PDZD2: variants seen among roughly 807,000 people sequenced by gnomAD.
PDZD2 encodes the protein PDZ domain containing 2, also known as PDZ domain-containing protein 2.
In PDZD2, 90 loss-of-function variants were observed where a neutral mutation model predicts 220.7. The ratio of observed to expected loss-of-function variants is 0.41; its 90% CI spans 0.34 to 0.49. The LOEUF (loss-of-function observed/expected upper bound fraction) is 0.49. Among genes scored for constraint, PDZD2 ranks in the 20% least tolerant of loss-of-function variants. The pLI, the probability that PDZD2 is intolerant of heterozygous loss-of-function variation, is 0.28. For synonymous variants in PDZD2, 1,375 were observed against 1,450.5 expected (o/e 0.95, Z 1.18); for missense variants, 3,174 against 3,608.5 (o/e 0.88, Z 3.08).
At chr5:32,021,001 C>CCG (rs146446947) in intron 6 of PDZD2, among the ~76,000 whole-genome samples, 6,526 of 150,396 alleles carry the variant, frequency 0.043, 454 homozygotes, top group African/African-American at 0.15. Context: ...CATTGGGTGC[C>CCG]GGGGGGAAAA....
chr5:31,874,622 G>T (rs6891144), intron 2 of PDZD2, among the ~76,000 whole-genome samples: 49,126 of 151,798 alleles, frequency 0.32, 9,244 homozygotes, highest in South Asian at 0.53. Context: ...TTAGTCGGGT[G>T]TGGTGGCACA....
At chr5:31,868,595 C>G (rs13347335) in intron 2 of PDZD2, among the ~76,000 whole-genome samples, 1 of 151,936 alleles carries the variant, frequency 6.6e-6, no homozygotes, top group Non-Finnish European at 1.5e-5. Flanking sequence ...AGGGACTGCG[C>G]GTAGTGTTCA....
intron 18 of PDZD2, among the ~76,000 whole-genome samples, chr5:32,076,625 G>A (rs913229650): frequency 6.6e-6 from 1 of 152,132 alleles, no homozygotes; most frequent in Admixed American, 6.6e-5. Context: ...GATTTAAATT[G>A]AAGTGAAATT....
At chr5:31,994,261 C>T (rs1429237336) in intron 3 of PDZD2, among the ~76,000 whole-genome samples, 2 of 151,932 alleles carry the variant, frequency 1.3e-5, no homozygotes, top group Non-Finnish European at 2.9e-5. Context: ...CCCACCTTGG[C>T]CTCCTCAAAG....
intron 2 of PDZD2, among the ~76,000 whole-genome samples, chr5:31,966,418 G>A (rs377465441): frequency 6.6e-6 from 1 of 152,154 alleles, no homozygotes; most frequent in African/African-American, 2.4e-5. Flanking sequence ...ACAATTTAGG[G>A]TTTCCTTAAT....
intron 7 of PDZD2, among the ~76,000 whole-genome samples, chr5:32,042,700 T>C (rs1756301895): frequency 6.6e-6 from 1 of 152,182 alleles, no homozygotes; most frequent in Admixed American, 6.5e-5. Context: ...GGAGTGGTGA[T>C]GACCAGAGGC....
intron 2 of PDZD2, among the ~76,000 whole-genome samples, chr5:31,827,703 ATAAAT>A (rs1554080251): frequency 3.9e-5 from 5 of 129,398 alleles, no homozygotes; most frequent in Non-Finnish European, 4.8e-5. Flanking sequence ...AAAAAAATAA[ATAAAT>A]AAAAAAATAA....
rs373068180 is a variant in PDZD2, at chr5:32,052,738, C to T, written c.1785+8C>T. 19 of 1,613,384 alleles carry T rather than the reference C, an allele frequency of 1.2e-5. No homozygotes were observed. The African/African-American group carries it at 2.1e-4, about 18-fold the overall frequency. Reference sequence around the variant, plus strand: ...TACAAAGAAAAAGGCAAGGTGAGCTCTTTTCTGCAGACTGTTCTGCCTTCT... The same window carrying T: ...TACAAAGAAAAAGGCAAGGTGAGCTTTTTTCTGCAGACTGTTCTGCCTTCT... On this transcript the variant is annotated splice_region_variant and intron_variant, in intron 9 of 24. Coordinates refer to ENST00000438447, the MANE Select transcript of PDZD2 (RefSeq NM_178140.4).
intron 2 of PDZD2, among the ~76,000 whole-genome samples, chr5:31,949,658 C>A (rs1049914793): frequency 1.4e-5 from 2 of 145,132 alleles, no homozygotes; most frequent in African/African-American, 5.0e-5. Context: ...GATAGCATTG[C>A]CATTTTTAGC....
intron 3 of PDZD2, among the ~76,000 whole-genome samples, chr5:31,985,289 T>C (rs569853734): frequency 6.6e-6 from 1 of 152,310 alleles, no homozygotes; most frequent in African/African-American, 2.4e-5. Context: ...GGGTATTGGC[T>C]CCCTTAATCA....
intron 12 of PDZD2, among the ~76,000 whole-genome samples, chr5:32,058,354 C>T (rs1383479653): frequency 1.4e-5 from 2 of 144,372 alleles, no homozygotes; most frequent in South Asian, 4.4e-4. Context: ...GGGTCAGAGG[C>T]TTGTGTTTAA....
chr5:31,812,840 C>T (rs568007644), intron 2 of PDZD2, among the ~76,000 whole-genome samples: 3 of 152,270 alleles, frequency 2.0e-5, no homozygotes, highest in Admixed American at 1.3e-4. Context: ...CCCAGCCTCC[C>T]GAAGTGCTGG....
intron 19 of PDZD2, 73 bp downstream of exon 19, chr5:32,077,679 A>G (rs1243750896): frequency 1.4e-6 from 2 of 1,480,840 alleles, no homozygotes; most frequent in Non-Finnish European, 1.9e-6. Context: ...TATACAGGCC[A>G]GGCGCAGTGG....
intron 14 of PDZD2, among the ~76,000 whole-genome samples, chr5:32,062,231 G>A (rs1739756062): frequency 1.3e-5 from 2 of 152,110 alleles, no homozygotes; most frequent in African/African-American, 4.8e-5. Context: ...CAGACCAAAT[G>A]CTTATTTGCA....
At chr5:31,871,361 A>T (rs1580952198) in intron 2 of PDZD2, among the ~76,000 whole-genome samples, 2 of 152,314 alleles carry the variant, frequency 1.3e-5, no homozygotes, top group East Asian at 1.9e-4. Context: ...AATTCGCCCC[A>T]ATTTTATAGA....
chr5:32,013,307 ATC>A (rs1561348087), intron 6 of PDZD2, among the ~76,000 whole-genome samples: 1 of 146,952 alleles, frequency 6.8e-6, no homozygotes, highest in Admixed American at 6.9e-5. Context: ...TTGCTCCTAT[ATC>A]TCTCTGTGTT....
chr5:31,712,348 C>G (rs1250613728), intron 1 of PDZD2, among the ~76,000 whole-genome samples: 2 of 152,122 alleles, frequency 1.3e-5, no homozygotes, highest in Non-Finnish European at 2.9e-5. Flanking sequence ...CATGTCTGGG[C>G]TGGTCGAGAA....
intron 2 of PDZD2, among the ~76,000 whole-genome samples, chr5:31,884,744 T>G (rs1408054099): frequency 3.9e-5 from 6 of 152,138 alleles, no homozygotes; most frequent in Non-Finnish European, 8.8e-5. Context: ...CCCGCCACCA[T>G]TCCTGGCTAA....
chr5:31,698,598 C>CAA (rs755216242), intron 1 of PDZD2, among the ~76,000 whole-genome samples: 839 of 80,878 alleles, frequency 0.01, 7 homozygotes, highest in African/African-American at 0.035. Flanking sequence ...GACTCTGTCT[C>CAA]AAAAAAAAAA....
Sources: allele counts gnomAD v4.1 joint callset (sites outside exome capture counted in the v4.1 genomes callset), GRCh38; gene constraint gnomAD v4.1.1; transcripts MANE v1.5; gene names NCBI Gene and HGNC (gene_info 2026-07-23, HGNC 2026-07-21).